Variants in TENM3 observed in about 807,000 individuals in gnomAD.
The protein encoded by TENM3 is teneurin transmembrane protein 3, also known as teneurin-3.
TENM3 carries 63 observed loss-of-function variants against 255.1 expected under a neutral mutation model. That is an observed-to-expected ratio of 0.25 (90% CI 0.20 to 0.30). TENM3 has a LOEUF of 0.30. Ranked by LOEUF, TENM3 falls within the 10% of genes least tolerant of loss-of-function variation. TENM3 has a pLI of 1.00. For missense variants in TENM3, 2,929 were observed against 3,461.1 expected, an observed-to-expected ratio of 0.85 and a Z score of 3.86; for synonymous variants, 1,306 against 1,322.3, an observed-to-expected ratio of 0.99 and a Z score of 0.27.
chr4:182,092,802 G>A, the TENM3 span, among the ~76,000 whole-genome samples: 1 of 152,268 alleles, frequency 6.6e-6, no homozygotes, highest in East Asian at 1.9e-4. Context: ...AAATATTAAT[G>A]TAGTTCACTA....
the TENM3 span, among the ~76,000 whole-genome samples, chr4:181,617,625 A>G: frequency 2.0e-5 from 3 of 152,178 alleles, no homozygotes; most frequent in African/African-American, 7.2e-5. Context: ...GTTCTGTTCT[A>G]TTTACAATGG....
intron 3 of TENM3, among the ~76,000 whole-genome samples, chr4:182,523,875 C>T (rs1465330432): frequency 6.6e-6 from 1 of 152,102 alleles, no homozygotes; most frequent in Non-Finnish European, 1.5e-5. Context: ...AGAAACAATA[C>T]ATTTTACTTT....
intron 3 of TENM3, among the ~76,000 whole-genome samples, chr4:182,379,013 C>T (rs1310144192): frequency 2.6e-5 from 4 of 152,086 alleles, no homozygotes; most frequent in Admixed American, 2.0e-4. Flanking sequence ...TAGTTCTAAG[C>T]GGGAAGATCG....
chr4:181,480,083 G>A, the TENM3 span, among the ~76,000 whole-genome samples: 4 of 151,834 alleles, frequency 2.6e-5, no homozygotes, highest in East Asian at 1.9e-4. Flanking sequence ...ATTTTTTCAG[G>A]ATCAGCTGTG....
At chr4:182,673,711 C>T (rs1755416381) in intron 7 of TENM3, among the ~76,000 whole-genome samples, 1 of 152,144 alleles carries the variant, frequency 6.6e-6, no homozygotes, top group African/African-American at 2.4e-5. Context: ...ACTCAGGCGC[C>T]GTGCCTCATC....
chr4:182,349,849 G>A (rs764590056), intron 3 of TENM3: 2 of 383,906 alleles, frequency 5.2e-6, no homozygotes, highest in East Asian at 9.3e-5. Context: ...AGCTTGAGAT[G>A]TGTTCTTGGA....
chr4:181,769,611 A>G, the TENM3 span, among the ~76,000 whole-genome samples: 1 of 152,256 alleles, frequency 6.6e-6, no homozygotes, highest in Non-Finnish European at 1.5e-5. Flanking sequence ...AAATATCTAC[A>G]TAAAGACATG....
chr4:182,194,354 G>A (rs1363109636), intron 1 of TENM3, among the ~76,000 whole-genome samples: 1 of 152,164 alleles, frequency 6.6e-6, no homozygotes, highest in East Asian at 1.9e-4. Flanking sequence ...TGATGCACGC[G>A]TGTTGCCAAA....
chr4:182,398,041 G>C (rs1768971920), intron 3 of TENM3, among the ~76,000 whole-genome samples: 1 of 152,114 alleles, frequency 6.6e-6, no homozygotes, highest in Non-Finnish European at 1.5e-5. Flanking sequence ...GAGTCCTGGA[G>C]GAAGCAGTAG....
chr4:182,213,978 G>T (rs1305688955), intron 1 of TENM3, among the ~76,000 whole-genome samples: 1 of 151,898 alleles, frequency 6.6e-6, no homozygotes, highest in African/African-American at 2.4e-5. Flanking sequence ...ATTTTTTTGT[G>T]TTTTAGTAGA....
At chr4:181,958,764 T>G in the TENM3 span, among the ~76,000 whole-genome samples, 8 of 152,138 alleles carry the variant, frequency 5.3e-5, no homozygotes, top group Non-Finnish European at 1.2e-4. Flanking sequence ...GATTATACAT[T>G]GTAGAAGCCA....
At position 182,640,888 on chromosome 4, in the gene TENM3, G is replaced by A. The variant is rs189856904; in HGVS notation, c.988+11999G>A. On this transcript the variant is annotated intron_variant, in intron 5 of 27. Transcript: ENST00000511685. ...AATGGAACGCAGGCTTCATAAGAAC[G>A]TTTTTCTCCTCTGCCTGAGGAGTAA... 3.1e-4 allele frequency among the ~76,000 whole-genome samples: 47 copies of A among 152,282 alleles called. No homozygotes were observed. The South Asian group carries it at 3.7e-3, about 12-fold the overall frequency.
At chr4:181,850,441 T>C in the TENM3 span, among the ~76,000 whole-genome samples, 2 of 152,158 alleles carry the variant, frequency 1.3e-5, no homozygotes, top group Admixed American at 1.3e-4. Context: ...TAAAATATTT[T>C]TAAATGGCAT....
the TENM3 span, among the ~76,000 whole-genome samples, chr4:181,859,886 A>G: frequency 6.6e-6 from 1 of 152,200 alleles, no homozygotes; most frequent in Non-Finnish European, 1.5e-5. Context: ...CTTCCTTCAA[A>G]GCTATTATTT....
At chr4:182,282,418 A>G (rs1285882179) in intron 1 of TENM3, among the ~76,000 whole-genome samples, 2 of 152,188 alleles carry the variant, frequency 1.3e-5, no homozygotes, top group East Asian at 1.9e-4. Flanking sequence ...ATTATTTTCT[A>G]TGTAGAGTTT....
the TENM3 span, among the ~76,000 whole-genome samples, chr4:181,589,262 A>G: frequency 2.3e-4 from 35 of 152,192 alleles, no homozygotes; most frequent in Non-Finnish European, 4.0e-4. Flanking sequence ...ATGTAAACAC[A>G]TACGTTTTTA....
chr4:182,775,144 C>T lies in TENM3; in HGVS notation c.5295C>T (p.Arg1765=). 6 of 1,613,950 alleles carry T rather than the reference C, an allele frequency of 3.7e-6. No individual in the cohort carries two copies. The highest frequency in any genetic ancestry group is 5.1e-6 in the Non-Finnish European group (6 of 1,179,842). ...AAGGGAAAGTCAATGTCTTTGGCCG[C>T]AAGCTCAGGGTACGTACGTGTTGTG... The part of the protein sequence containing the change: ...QAQGKVNVFG[R]KLRVNGRNLL... The change falls in exon 24 of 28, where the codon CGC becomes CGT. Residue 1765 remains arginine (R), a synonymous_variant. Transcript: ENST00000511685.
intron 3 of TENM3, among the ~76,000 whole-genome samples, chr4:182,403,687 G>A (rs545739661): frequency 2.0e-5 from 3 of 152,268 alleles, no homozygotes; most frequent in Non-Finnish European, 2.9e-5. Flanking sequence ...TTATGAAACC[G>A]ATGTAGTTTA....
chr4:181,478,609 A>G, the TENM3 span, among the ~76,000 whole-genome samples: 6 of 152,328 alleles, frequency 3.9e-5, no homozygotes, highest in East Asian at 1.2e-3. Context: ...TTCCTTGAAG[A>G]CAGATCTTCA....
Sources: gnomAD v4.1 joint callset for allele counts (sites outside exome capture counted in the v4.1 genomes callset) on GRCh38, gnomAD v4.1.1 for gene constraint, MANE v1.5 for transcripts, NCBI Gene and HGNC (gene_info 2026-07-23, HGNC 2026-07-21) for gene names.